Variants in MAML2 observed in about 807,000 individuals in gnomAD.
MAML2 encodes the protein mastermind-like protein 2.
MAML2 carries 22 observed loss-of-function variants against 96.1 expected under a neutral mutation model. The ratio of observed to expected loss-of-function variants is 0.23; its 90% confidence interval spans 0.16 to 0.33. The LOEUF is 0.33. Ranked by LOEUF, MAML2 falls within the 10% of genes least tolerant of loss-of-function variation. MAML2 has a pLI of 1.00. For missense variants in MAML2, 1,367 were observed against 1,392.4 expected, an observed-to-expected ratio of 0.98 and a Z score of 0.29; for synonymous variants, 561 against 521.3, an observed-to-expected ratio of 1.08 and a Z score of -1.04.
intron 1 of MAML2, among the ~76,000 whole-genome samples, chr11:96,158,138 T>C (rs1180868266): frequency 6.6e-6 from 1 of 152,216 alleles, no homozygotes; most frequent in East Asian, 1.9e-4. Flanking sequence ...TGAGAGAGTA[T>C]AATTCTTGCT....
intron 1 of MAML2, among the ~76,000 whole-genome samples, chr11:96,261,403 A>G (rs954832686): frequency 1.3e-5 from 2 of 152,220 alleles, no homozygotes; most frequent in African/African-American, 4.8e-5. Context: ...GTGTTTTGTT[A>G]TAAGCAAAAG....
chr11:96,028,577 A>T (rs1158686684), intron 2 of MAML2, among the ~76,000 whole-genome samples: 1 of 152,248 alleles, frequency 6.6e-6, no homozygotes, highest in Non-Finnish European at 1.5e-5. Context: ...AGTGATCAGC[A>T]AAGTGCCTGG....
intron 1 of MAML2, among the ~76,000 whole-genome samples, chr11:96,284,658 G>A (rs934502752): frequency 1.3e-5 from 2 of 152,210 alleles, no homozygotes; most frequent in Non-Finnish European, 2.9e-5. Flanking sequence ...CTCCTACTGT[G>A]TAAGACCAGA....
intron 1 of MAML2, among the ~76,000 whole-genome samples, chr11:96,217,651 A>G (rs1862070576): frequency 6.6e-6 from 1 of 152,256 alleles, no homozygotes; most frequent in African/African-American, 2.4e-5. Flanking sequence ...GTGAAGGTGA[A>G]TAATGGTTGG....
intron 1 of MAML2, among the ~76,000 whole-genome samples, chr11:96,296,343 A>G (rs1327005525): frequency 6.6e-6 from 1 of 151,876 alleles, no homozygotes; most frequent in Non-Finnish European, 1.5e-5. Flanking sequence ...GTATAAAACA[A>G]GAATAAAAAT....
chr11:96,014,293 C>T (rs758417362), intron 2 of MAML2, among the ~76,000 whole-genome samples: 14 of 152,190 alleles, frequency 9.2e-5, no homozygotes, highest in Non-Finnish European at 2.1e-4. Context: ...TGCCACTCTA[C>T]GAACAAAAAG....
intron 1 of MAML2, among the ~76,000 whole-genome samples, chr11:96,164,890 C>A (rs572792902): frequency 2.6e-5 from 4 of 152,310 alleles, no homozygotes; most frequent in Non-Finnish European, 5.9e-5. Flanking sequence ...TTTCTATTTT[C>A]CTCTTCATTG....
chr11:96,042,908 C>T (rs79050152), intron 2 of MAML2, among the ~76,000 whole-genome samples: 2 of 152,018 alleles, frequency 1.3e-5, no homozygotes, highest in Non-Finnish European at 2.9e-5. Context: ...CCACACCCGG[C>T]TAATTTTTTG....
chr11:96,201,992 GTC>G (rs1420874067), intron 1 of MAML2, among the ~76,000 whole-genome samples: 6 of 151,384 alleles, frequency 4.0e-5, no homozygotes, highest in African/African-American at 1.5e-4. Context: ...AGGAAAAAGA[GTC>G]TATTTTCTAC....
At chr11:96,185,372 C>G (rs1470074063) in intron 1 of MAML2, among the ~76,000 whole-genome samples, 1 of 152,200 alleles carries the variant, frequency 6.6e-6, no homozygotes, top group Non-Finnish European at 1.5e-5. Flanking sequence ...GTTTTTCTCT[C>G]TTTATAGCCT....
intron 1 of MAML2, among the ~76,000 whole-genome samples, chr11:96,286,416 C>G (rs1863140872): frequency 6.6e-6 from 1 of 152,118 alleles, no homozygotes; most frequent in Non-Finnish European, 1.5e-5. Flanking sequence ...CAGCAAACCA[C>G]CATGGCACAT....
chr11:96,263,047 C>G (rs1250436308), intron 1 of MAML2, among the ~76,000 whole-genome samples: 1 of 152,192 alleles, frequency 6.6e-6, no homozygotes, highest in Non-Finnish European at 1.5e-5. Context: ...AATTTCTACT[C>G]CAGTTTATAT....
At chr11:96,023,811 A>G (rs1457643275) in intron 2 of MAML2, among the ~76,000 whole-genome samples, 2 of 152,198 alleles carry the variant, frequency 1.3e-5, no homozygotes, top group Non-Finnish European at 2.9e-5. Flanking sequence ...AAGGTAAGAA[A>G]ATGCAAGGAG....
intron 1 of MAML2, among the ~76,000 whole-genome samples, chr11:96,170,584 C>A (rs151102954): frequency 1.4e-3 from 211 of 151,508 alleles, no homozygotes; most frequent in African/African-American, 5.0e-3. Flanking sequence ...TCTATTCCTT[C>A]ACAAAGAAGG....
At position 96,092,195 on chromosome 11, in the gene MAML2, C is replaced by CTGT; in HGVS notation, c.1835_1836insACA (p.Gln621dup). 2 of 1,523,098 alleles carry CTGT rather than the reference C, an allele frequency of 1.3e-6. No homozygotes were observed. Among genetic ancestry groups the CTGT allele is most frequent in the South Asian group, 1.2e-5 (1 of 81,882 alleles). The allele number at this position is 1,523,098 out of a possible 1,614,324, so 94.3% of individuals were successfully genotyped here. A position where few individuals can be genotyped will look rare whatever the true frequency, so the allele number is the denominator to read the frequency against. Reference sequence around the variant, plus strand: ...GCTGTTGCTGTTGCTGTTGCTGTTGCTGCTGCTGCTGCTGTTGCTGCTGCT... The same window carrying CTGT: ...GCTGTTGCTGTTGCTGTTGCTGTTGCTGTTGCTGCTGCTGCTGTTGCTGCTGCT... On this transcript the variant is annotated inframe_insertion, in exon 2 of 5. Coordinates refer to ENST00000524717, the MANE Select transcript of MAML2 (RefSeq NM_032427.4). This position sits in a 1 kb window ranked among gnomAD's most constrained non-coding sequence, Gnocchi z 4.1.
chr11:96,214,374 G>A (rs928017479), intron 1 of MAML2, among the ~76,000 whole-genome samples: 1 of 152,172 alleles, frequency 6.6e-6, no homozygotes, highest in African/African-American at 2.4e-5. Flanking sequence ...ACTTTTCAGA[G>A]CTTCAGTTTT....
intron 1 of MAML2, among the ~76,000 whole-genome samples, chr11:96,171,695 A>G (rs930939503): frequency 6.6e-6 from 1 of 152,260 alleles, no homozygotes; most frequent in Non-Finnish European, 1.5e-5. Context: ...TGAAGAGCCA[A>G]ATCAGAGCTG....
chr11:96,020,244 T>G (rs970492083), intron 2 of MAML2, among the ~76,000 whole-genome samples: 7 of 152,190 alleles, frequency 4.6e-5, no homozygotes, highest in African/African-American at 1.7e-4. Flanking sequence ...AACTCCCTTT[T>G]GCTGCTTTTT....
At chr11:96,097,741 G>C (rs1333772415) in intron 1 of MAML2, among the ~76,000 whole-genome samples, 4 of 152,138 alleles carry the variant, frequency 2.6e-5, no homozygotes, top group Non-Finnish European at 5.9e-5. Context: ...AAAGGCAAGG[G>C]TACCTATGTT....
Sources: allele counts gnomAD v4.1 joint callset (sites outside exome capture counted in the v4.1 genomes callset), GRCh38; gene constraint gnomAD v4.1.1; non-coding constraint Gnocchi (gnomAD v3.1); transcripts MANE v1.5; gene names NCBI Gene and HGNC (gene_info 2026-07-23, HGNC 2026-07-21).